MYH7: variants seen among roughly 807,000 people sequenced by gnomAD.
MYH7 encodes myosin-7.
Under a neutral mutation model 225.4 loss-of-function variants are expected in MYH7, and 129 were observed. That is an observed-to-expected ratio of 0.57 (90% CI 0.50 to 0.66). The LOEUF is 0.66. Ranked by LOEUF, MYH7 falls within the 30% of genes least tolerant of loss-of-function variation. The probability of loss-of-function intolerance (pLI) is 0.00; values close to 1 mark genes in which losing one functional copy is unlikely to be tolerated. For missense variants in MYH7, 1,649 were observed against 2,517.0 expected (o/e 0.66, Z 7.38); for synonymous variants, 971 against 1,007.6 (o/e 0.96, Z 0.69).
chr14:23,433,435 TC>T lies in MYH7; in HGVS notation c.201+96del, dbSNP rs1179277491. The T allele has an allele frequency of 2.7e-6, 4 of 1,487,072 alleles. No individual in the cohort carries two copies. The highest frequency in any genetic ancestry group is 3.7e-6 in the Non-Finnish European group (4 of 1,074,020). 92.1% of individuals were successfully genotyped at this position (1,487,072 alleles called of 1,614,324 possible). On this transcript the variant is annotated intron_variant, in intron 3 of 39. Coordinates refer to ENST00000355349, the MANE Select transcript of MYH7 (RefSeq NM_000257.4). This position sits in a 1 kb window ranked among gnomAD's most constrained non-coding sequence, Gnocchi z 4.1. ...AAAGGGAAGGAGAATGGGACCATCC[TC>T]AGGTCTGCATGGGCATGGGGCATGG...
chr14:23,422,903 A>C (rs547708263), intron 24 of MYH7, among the ~76,000 whole-genome samples: 1 of 152,316 alleles, frequency 6.6e-6, no homozygotes, highest in East Asian at 1.9e-4. Context: ...TGCTGGGATT[A>C]CAGGTGTGAG....
chr14:23,419,136 T>A (rs377214832), intron 29 of MYH7, 41 bp downstream of exon 29: 171 of 1,541,098 alleles, frequency 1.1e-4, no homozygotes, highest in Non-Finnish European at 1.5e-4. Flanking sequence ...CTAGTCAGTG[T>A]GCTCCTTGCT....
In MYH7 at chr14:23,423,404, T is replaced by G. The variant is rs559476520; in HGVS notation, c.3099+143A>C. The G allele has an allele frequency of 5.9e-6, 7 of 1,192,888 alleles. No individual in the cohort carries two copies. The African/African-American group carries it at 9.0e-5, about 15-fold the overall frequency. 73.9% of individuals were successfully genotyped at this position (1,192,888 alleles called of 1,614,324 possible). A position where few individuals can be genotyped will look rare whatever the true frequency, so the allele number is the denominator to read the frequency against. On this transcript the variant is annotated intron_variant, in intron 24 of 39. Coordinates refer to ENST00000355349, the MANE Select transcript of MYH7 (RefSeq NM_000257.4). ...AAAGATATCAGAAAAGTTAACATCC[T>G]CTAACCCTACCCCCCTCTAAACATA...
intron 18 of MYH7, 129 bp downstream of exon 18, chr14:23,426,648 A>G: frequency 1.2e-6 from 1 of 848,010 alleles, no homozygotes; most frequent in Non-Finnish European, 2.0e-6. Flanking sequence ...GGGAGGCCTC[A>G]TGCGGGATGG....
chr14:23,413,950 TG>T (rs922298255), intron 38 of MYH7, 56 bp downstream of exon 38: 3 of 1,614,038 alleles, frequency 1.9e-6, no homozygotes, highest in African/African-American at 2.7e-5. Flanking sequence ...ACTCCTGGCT[TG>T]GGGGACGAGC....
chr14:23,432,604 G>T, intron 5 of MYH7, 35 bp downstream of exon 5: 3 of 1,614,192 alleles, frequency 1.9e-6, no homozygotes, highest in East Asian at 2.2e-5. Context: ...GCCTATCCCA[G>T]TTCCCTTCAG....
intron 5 of MYH7, 59 bp downstream of exon 5, chr14:23,432,580 C>T: frequency 6.2e-7 from 1 of 1,614,162 alleles, no homozygotes; most frequent in Non-Finnish European, 8.5e-7. Context: ...CCTTCCTTCT[C>T]CCTCTCCCTC....
chr14:23,424,851 G>T lies in MYH7; in HGVS notation c.2597C>A (p.Ser866Tyr), dbSNP rs1473607930. ...FTRLKEALEK[S>Y]EARRKELEEK... ...CTCCAGCTCCTTGCGGCGAGCCTCGGACTTCTCTAGCGCCTCTTTGAGGCG... is the reference window on the plus strand; with the variant it reads ...CTCCAGCTCCTTGCGGCGAGCCTCGTACTTCTCTAGCGCCTCTTTGAGGCG... The change falls in exon 22 of 40, where the codon TCC becomes TAC. Residue 866 changes from serine (S) to tyrosine (Y), a missense_variant. This residue lies in a region of MYH7 where 282 missense variants were observed against 315.3 expected (regional missense o/e 0.89). Transcript: ENST00000355349. 1 of 1,614,092 alleles carries T rather than the reference G, an allele frequency of 6.2e-7. No individual in the cohort carries two copies. Among genetic ancestry groups the T allele is most frequent in the African/African-American group, 1.3e-5 (1 of 74,926 alleles).
At position 23,416,134 on chromosome 14, in the gene MYH7, C is replaced by T. The variant is rs587779391; in HGVS notation, c.4823G>A (p.Arg1608His). Residue 1608 changes from arginine to histidine, a missense_variant, in exon 34 of 40, where the codon CGC (arginine) becomes CAC (histidine). Arg to His is a conservative substitution (Grantham distance 29, BLOSUM62 0). Coordinates refer to ENST00000355349, the MANE Select transcript of MYH7 (RefSeq NM_000257.4). ...CTTCTTCACCCTCAGGGCCTCGTTG[C>T]GGCTGCGTGTCTCTGCGTCCAGGGA... The part of the protein sequence containing the change: ...QTSLDAETRS[R>H]NEALRVKKKM... 11 of 1,614,064 alleles carry T rather than the reference C, an allele frequency of 6.8e-6. No individual in the cohort carries two copies. Among genetic ancestry groups the T allele is most frequent in the African/African-American group, 2.7e-5 (2 of 74,918 alleles).
Position 23,416,971 on chromosome 14 carries a change from T to C in MYH7, c.4541A>G (p.Glu1514Gly), listed in dbSNP as rs1351712658. 3.7e-6 allele frequency: 6 copies of C among 1,614,164 alleles called. No homozygotes were observed. Among genetic ancestry groups the C allele is most frequent in the Non-Finnish European group, 5.1e-6 (6 of 1,180,030 alleles). Reference sequence around the variant, plus strand: ...AGTCTTTCCGCTGGAACCCAACTGCTCAGTCAAGTCGGAGATCTCCTCTGT... The same window carrying C: ...AGTCTTTCCGCTGGAACCCAACTGCCCAGTCAAGTCGGAGATCTCCTCTGT... ...NLQEEISDLT[E>G]QLGSSGKTIH... The change falls in exon 33 of 40, where the codon GAG becomes GGG. Residue 1514 changes from glutamate to glycine, a missense_variant. By Grantham distance (98) the Glu-to-Gly change is moderately conservative. Coordinates refer to ENST00000355349, the MANE Select transcript of MYH7 (RefSeq NM_000257.4).
Position 23,415,448 on chromosome 14 carries a change from G to A in MYH7, c.5216C>T (p.Thr1739Ile), listed in dbSNP as rs1469341108. The change falls in exon 36 of 40, where the codon ACT becomes ATT. Residue 1739 changes from threonine (T) to isoleucine (I), a missense_variant. Thr to Ile is a moderately conservative substitution (Grantham distance 89, BLOSUM62 -1). Around this residue, in one of 12 missense-constraint regions of MYH7, gnomAD observed 687 missense variants for 913.8 expected, o/e 0.75. Coordinates refer to ENST00000355349, the MANE Select transcript of MYH7 (RefSeq NM_000257.4). This position sits in a 1 kb window ranked among gnomAD's most constrained non-coding sequence, Gnocchi z 6.3. ...CTCCTGCACTGCCTCCTCCACTTCA[G>A]TCTGGAGCTGGGACAGGTCAGCATC... ...KMDADLSQLQ[T>I]EVEEAVQECR... The A allele has an allele frequency of 8.7e-6, 14 of 1,614,118 alleles. No homozygotes were observed. In the Admixed American group the frequency reaches 2.2e-4, roughly 25 times the overall value.
At position 23,418,202 on chromosome 14, in the gene MYH7, G is replaced by A. The variant is rs1377133845; in HGVS notation, c.4169+8C>T. On this transcript the variant is annotated splice_region_variant and intron_variant, in intron 30 of 39. Transcript: ENST00000355349. ...CCTCAGCCAGAAGTCAGGCTGCTCA[G>A]AACTCACTTGGCCTCCTCGAGCTCC... 6.2e-7 allele frequency: 1 copy of A among 1,613,376 alleles called. No individual in the cohort carries two copies. The highest frequency in any genetic ancestry group is 2.2e-5 in the East Asian group (1 of 44,872).
At chr14:23,419,112 G>T in intron 29 of MYH7, 65 bp downstream of exon 29, 1 of 1,321,552 alleles carries the variant, frequency 7.6e-7, no homozygotes, top group Middle Eastern at 1.8e-4. Context: ...GAAGGGAAGT[G>T]ATTTGATGCA....
chr14:23,419,120 G>A (rs1892354951), intron 29 of MYH7, 57 bp downstream of exon 29: 6 of 1,446,634 alleles, frequency 4.1e-6, no homozygotes, highest in Middle Eastern at 3.5e-4. Context: ...GTGATTTGAT[G>A]CAAGGCTAGT....
chr14:23,420,290 C>T (rs981806632), intron 26 of MYH7, 56 bp from the exon 27 acceptor site: 2 of 1,587,726 alleles, frequency 1.3e-6, no homozygotes, highest in Non-Finnish European at 1.7e-6. Context: ...CTGGAATCCC[C>T]CCGGCTCTAA....
At position 23,429,773 on chromosome 14, in the gene MYH7, A is replaced by C; in HGVS notation, c.1138+2T>G. ...CTGCCCCCAAGAATCCCTGCCTCCCACCTTCAGTGCCGTCTGGCTCCGCCT... is the reference window on the plus strand; with the variant it reads ...CTGCCCCCAAGAATCCCTGCCTCCCCCCTTCAGTGCCGTCTGGCTCCGCCT... On this transcript the variant is annotated splice_donor_variant, in intron 12 of 39. Coordinates refer to ENST00000355349, the MANE Select transcript of MYH7 (RefSeq NM_000257.4). LOFTEE classifies it high-confidence loss of function. The C allele has an allele frequency of 6.2e-7, 1 of 1,611,554 alleles. No individual in the cohort carries two copies. Among genetic ancestry groups the C allele is most frequent in the Non-Finnish European group, 8.5e-7 (1 of 1,179,894 alleles).
At position 23,425,362 on chromosome 14, in the gene MYH7, C is replaced by T. The variant is rs745865146; in HGVS notation, c.2343G>A (p.Leu781=). The T allele has an allele frequency of 6.2e-7, 1 of 1,614,200 alleles. No individual in the cohort carries two copies. The highest frequency in any genetic ancestry group is 1.1e-5 in the South Asian group (1 of 91,084). ...CCTGGATACGCGTGATGATGCGGCT[C>T]AGCCTCTCGTCCCTCATTTCCTCCA... is the stretch of plus-strand genomic sequence containing the variant. ...GLLEEMRDER[L]SRIITRIQAQ... The change falls in exon 21 of 40, where the codon CTG becomes CTA. Residue 781 remains leucine (L), a synonymous_variant. Coordinates refer to ENST00000355349, the MANE Select transcript of MYH7 (RefSeq NM_000257.4). The surrounding 1 kb of genome is among the most constrained non-coding windows in gnomAD (Gnocchi z 4.6).
intron 25 of MYH7, among the ~76,000 whole-genome samples, chr14:23,421,513 T>G (rs911136886): frequency 6.6e-6 from 1 of 152,252 alleles, no homozygotes; most frequent in Non-Finnish European, 1.5e-5. Flanking sequence ...ATTCATTTAT[T>G]CAACACATTC....
rs373113992 is a variant in MYH7, at chr14:23,423,862, A to G, written c.2922+45T>C. On this transcript the variant is annotated intron_variant, in intron 23 of 39. Transcript: ENST00000355349. ...TGGGTCAAGGTCAGTATGGTCTGAG[A>G]GTCCTGATGAGACCCGGGCTGGAGC... The G allele has an allele frequency of 3.1e-6, 5 of 1,613,542 alleles. No individual in the cohort carries two copies. The African/African-American group carries it at 5.3e-5, about 17-fold the overall frequency.
Sources: gnomAD v4.1 joint callset for allele counts (sites outside exome capture counted in the v4.1 genomes callset) on GRCh38, gnomAD v4.1.1 for gene constraint, gnomAD v4.1.1 regional missense constraint, Gnocchi (gnomAD v3.1) non-coding constraint, MANE v1.5 for transcripts, NCBI Gene and HGNC (gene_info 2026-07-23, HGNC 2026-07-21) for gene names.